CST3: variants seen among roughly 807,000 people sequenced by gnomAD.
CST3 encodes the protein cystatin-C.
CST3 carries 14 observed loss-of-function variants against 9.0 expected under a neutral mutation model. The observed-to-expected ratio is 1.56, with a 90% CI of 1.03 to 2.44. The LOEUF (loss-of-function observed/expected upper bound fraction) is 2.44, where lower values mean the gene tolerates loss of function less well. Among genes scored for constraint, CST3 ranks in the 30% most tolerant of loss-of-function variants. CST3 has a pLI of 0.00. For missense variants in CST3, 237 were observed against 204.3 expected, an observed-to-expected ratio of 1.16 and a Z score of -0.98; for synonymous variants, 96 against 90.2, an observed-to-expected ratio of 1.06 and a Z score of -0.37.
intron 1 of CST3, among the ~76,000 whole-genome samples, chr20:23,636,698 T>C (rs746563344): frequency 3.9e-5 from 6 of 152,164 alleles, no homozygotes; most frequent in Non-Finnish European, 7.3e-5. Context: ...AGAGTCAGCA[T>C]AGTCTCCATC....
chr20:23,631,942 G>A (rs1028189961), downstream of CST3: 11 of 152,248 alleles, frequency 7.2e-5, no homozygotes, highest in African/African-American at 2.7e-4. Flanking sequence ...AGTAACTCTT[G>A]CAGATGAAAG....
Position 23,637,600 on chromosome 20 carries a change from C to CTGCGGGGGGCGGCACGCACCTGCT in CST3, c.239_243+19dup. ...GACGGCGGGGCCGGGGCTTCGGACC[C>CTGCGGGGGGCGGCACGCACCTGCT]TGCGGGGGGCGGCACGCACCTGCTT... On this transcript the variant is annotated intron_variant, in intron 1 of 2. Coordinates refer to ENST00000376925, the MANE Select transcript of CST3 (RefSeq NM_000099.4). 1 of 1,505,888 alleles carries CTGCGGGGGGCGGCACGCACCTGCT rather than the reference C, an allele frequency of 6.6e-7. No individual in the cohort carries two copies. The highest frequency in any genetic ancestry group is 8.9e-7 in the Non-Finnish European group (1 of 1,127,622). 93.3% of individuals were successfully genotyped at this position (1,505,888 alleles called of 1,614,324 possible). A position where few individuals can be genotyped will look rare whatever the true frequency, so the allele number is the denominator to read the frequency against.
chr20:23,629,702 GCAGGCAGGGGAACAATCAGGC>G (rs1349193491), downstream of CST3, among the ~76,000 whole-genome samples: 5 of 150,956 alleles, frequency 3.3e-5, no homozygotes, highest in African/African-American at 1.2e-4. Flanking sequence ...ACGGCGAAGA[GCAGGCAGGGGAACAATCAGGC>G]CAGTGACTGG....
At chr20:23,635,207 C>CACACA in intron 2 of CST3, 47 bp downstream of exon 2, 3 of 1,457,686 alleles carry the variant, frequency 2.1e-6, no homozygotes, top group African/African-American at 1.4e-5. Flanking sequence ...CACACACACA[C>CACACA]CCCTCTGCAG....
chr20:23,635,153 A>AT, intron 2 of CST3, 101 bp downstream of exon 2: 1 of 1,033,266 alleles, frequency 9.7e-7, no homozygotes, highest in Non-Finnish European at 1.5e-6. Context: ...ACTCAGGCAC[A>AT]TGCACACGTA....
At chr20:23,636,978 C>T (rs1979700948) in intron 1 of CST3, among the ~76,000 whole-genome samples, 2 of 152,220 alleles carry the variant, frequency 1.3e-5, no homozygotes, top group South Asian at 4.1e-4. Context: ...GAAGTGTTTA[C>T]TTTCAAAAGA....
downstream of CST3, chr20:23,629,517 T>A (rs926703508): frequency 1.3e-5 from 2 of 152,230 alleles, no homozygotes; most frequent in Non-Finnish European, 2.9e-5. Context: ...CTATTAGTGA[T>A]CTCAAGTCCC....
rs778774442 is a variant in CST3, at chr20:23,637,704, C to T, written c.159G>A (p.Leu53=). Reference sequence around the variant, plus strand: ...TGTTGTACTCGCCGACGGCAAAGTCCAGTGCACGCCGCACACCCTCCTCCT... The same window carrying T: ...TGTTGTACTCGCCGACGGCAAAGTCTAGTGCACGCCGCACACCCTCCTCCT... ...SVEEEGVRRA[L]DFAVGEYNKA... The change falls in exon 1 of 3, where the codon CTG becomes CTA. Residue 53 remains leucine (L), a synonymous_variant. Coordinates refer to ENST00000376925, the MANE Select transcript of CST3 (RefSeq NM_000099.4). 7.4e-5 allele frequency: 114 copies of T among 1,544,732 alleles called. No individual in the cohort carries two copies. The East Asian group carries it at 9.5e-4, about 13-fold the overall frequency.
Position 23,633,801 on chromosome 20 carries a change from C to T in CST3, c.*115G>A. ...TGCCTTCTCTGTCTGTCTCCTGGTGCAGGCACATGGGGAGACCTTCCCCAA... is the reference window on the plus strand; with the variant it reads ...TGCCTTCTCTGTCTGTCTCCTGGTGTAGGCACATGGGGAGACCTTCCCCAA... On this transcript the variant is annotated 3_prime_UTR_variant, in exon 3 of 3. Coordinates refer to ENST00000376925, the MANE Select transcript of CST3 (RefSeq NM_000099.4). The T allele has an allele frequency of 1.1e-6, 1 of 869,996 alleles. No homozygotes were observed. The highest frequency in any genetic ancestry group is 1.9e-6 in the Non-Finnish European group (1 of 513,772). 53.9% of individuals were successfully genotyped at this position (869,996 alleles called of 1,614,324 possible).
intron 1 of CST3, among the ~76,000 whole-genome samples, chr20:23,637,059 G>C (rs1208243451): frequency 6.6e-6 from 1 of 152,166 alleles, no homozygotes; most frequent in Non-Finnish European, 1.5e-5. Context: ...GAGCTGGGGG[G>C]AACAAACAGG....
chr20:23,631,973 C>T (rs911056308), downstream of CST3: 17 of 152,226 alleles, frequency 1.1e-4, no homozygotes, highest in African/African-American at 4.1e-4. Context: ...GAGGCCTCCT[C>T]TCCAGGATGT....
chr20:23,634,177 T>A (rs547281031), intron 2 of CST3, among the ~76,000 whole-genome samples, 178 bp from the exon 3 acceptor site: 9 of 151,390 alleles, frequency 5.9e-5, no homozygotes, highest in African/African-American at 2.2e-4. Context: ...CAGTGACTGC[T>A]CCATCCCTCT....
rs1169780700 is a variant in CST3 at position 23,637,903 on chromosome 20, G to T, written c.-41C>A. On this transcript the variant is annotated 5_prime_UTR_variant, in exon 1 of 3. Coordinates refer to ENST00000376925, the MANE Select transcript of CST3 (RefSeq NM_000099.4). ...GGGACGCGGGGAGTGGGGCGCAGGC[G>T]AGAGGCTGGAGCTAGATAGAGAGGA... The T allele has an allele frequency of 2.2e-6, 3 of 1,377,612 alleles. No homozygotes were observed. Among genetic ancestry groups the T allele is most frequent in the East Asian group, 3.0e-5 (1 of 33,188 alleles). 85.3% of individuals were successfully genotyped at this position (1,377,612 alleles called of 1,614,324 possible).
At chr20:23,629,735 G>C (rs77488724), downstream of CST3, among the ~76,000 whole-genome samples, 1 of 105,546 alleles carries the variant, frequency 9.5e-6, no homozygotes, top group African/African-American at 3.5e-5. Context: ...AGTGACTGGT[G>C]GGGGGGGGAG....
downstream of CST3, among the ~76,000 whole-genome samples, chr20:23,630,350 G>A (rs1255566471): frequency 6.6e-6 from 1 of 152,188 alleles, no homozygotes; most frequent in East Asian, 1.9e-4. Context: ...CATCTGACTC[G>A]ACCCCATAAG....
chr20:23,631,587 T>G (rs1192091665), downstream of CST3, among the ~76,000 whole-genome samples: 1 of 152,176 alleles, frequency 6.6e-6, no homozygotes, highest in Non-Finnish European at 1.5e-5. Context: ...TCCCTGGGCC[T>G]TTGAGGGTAG....
rs1979632937 is a variant in CST3, at chr20:23,635,380, A to G, written c.244-13T>C. 6.2e-7 allele frequency: 1 copy of G among 1,610,228 alleles called. No homozygotes were observed. Among genetic ancestry groups the G allele is most frequent in the South Asian group, 1.1e-5 (1 of 90,706 alleles). On this transcript the variant is annotated splice_polypyrimidine_tract_variant and intron_variant, in intron 1 of 2. Coordinates refer to ENST00000376925, the MANE Select transcript of CST3 (RefSeq NM_000099.4). ...CCCCAGCTACGATCTACACATGTGA[A>G]AGAGCAGGAGGCAGGGACAGCACGT...
chr20:23,633,249 G>C (rs897429145), downstream of CST3, among the ~76,000 whole-genome samples: 1 of 152,158 alleles, frequency 6.6e-6, no homozygotes, highest in Non-Finnish European at 1.5e-5. Context: ...AGTCCCTGGG[G>C]TCTGCTCAAC....
At chr20:23,637,124 G>C (rs917859493) in intron 1 of CST3, among the ~76,000 whole-genome samples, 1 of 152,218 alleles carries the variant, frequency 6.6e-6, no homozygotes, top group African/African-American at 2.4e-5. Flanking sequence ...AAGATCTACA[G>C]GGATGCCCTG....
Sources: gnomAD v4.1 joint callset for allele counts (sites outside exome capture counted in the v4.1 genomes callset) on GRCh38, gnomAD v4.1.1 for gene constraint, MANE v1.5 for transcripts, NCBI Gene and HGNC (gene_info 2026-07-23, HGNC 2026-07-21) for gene names.